Variants in SORCS2 observed in about 807,000 individuals in gnomAD.
The protein encoded by SORCS2 is VPS10 domain-containing receptor SorCS2.
A neutral mutation model predicts 141.6 loss-of-function variants in SORCS2; 100 were observed. That is an observed-to-expected ratio of 0.71 (90% confidence interval 0.60 to 0.83). The LOEUF is 0.83. SORCS2 is among the 40% of genes least tolerant of loss of function. The pLI, the probability that SORCS2 is intolerant of heterozygous loss-of-function variation, is 0.00. For missense variants in SORCS2, 1,646 were observed against 1,560.2 expected (o/e 1.05, Z -0.93); for synonymous variants, 789 against 676.9 (o/e 1.17, Z -2.57).
chr4:7,484,364 C>A (rs16840378), intron 2 of SORCS2, among the ~76,000 whole-genome samples: 12,704 of 152,204 alleles, frequency 0.083, 798 homozygotes, highest in East Asian at 0.25. Context: ...AAGTAACCTG[C>A]GTGGTATCAA....
chr4:7,205,130 A>G (rs1560109852), intron 1 of SORCS2, among the ~76,000 whole-genome samples: 1 of 152,254 alleles, frequency 6.6e-6, no homozygotes, highest in East Asian at 1.9e-4. Context: ...ACCATCAAAT[A>G]GGCCTTCTGG....
At chr4:7,541,236 G>T (rs1712625293) in intron 3 of SORCS2, among the ~76,000 whole-genome samples, 1 of 152,016 alleles carries the variant, frequency 6.6e-6, no homozygotes, top group Non-Finnish European at 1.5e-5. Context: ...TGGTGTAGGG[G>T]TGTGGGCGCC....
intron 2 of SORCS2, among the ~76,000 whole-genome samples, chr4:7,487,520 A>G (rs928276024): frequency 1.3e-5 from 2 of 152,190 alleles, no homozygotes; most frequent in Non-Finnish European, 2.9e-5. Context: ...AAAATATGAC[A>G]TGGAGCTCTT....
intron 3 of SORCS2, among the ~76,000 whole-genome samples, chr4:7,543,994 A>ATCCATCCAT (rs1395347993): frequency 6.4e-5 from 9 of 139,576 alleles, no homozygotes; most frequent in South Asian, 2.4e-4. Flanking sequence ...CCATCCATCC[A>ATCCATCCAT]CTCATCCATC....
At chr4:7,712,981 A>T in intron 15 of SORCS2, 128 bp downstream of exon 15, 1 of 1,369,688 alleles carries the variant, frequency 7.3e-7, no homozygotes, top group Non-Finnish European at 9.8e-7. Context: ...GTCTTCAGGG[A>T]ATCCCCAGCG....
chr4:7,339,761 C>A (rs926713708), intron 1 of SORCS2, among the ~76,000 whole-genome samples: 1 of 152,154 alleles, frequency 6.6e-6, no homozygotes, highest in Non-Finnish European at 1.5e-5. Flanking sequence ...CACAGTTCAA[C>A]CCATAAGAGG....
intron 5 of SORCS2, among the ~76,000 whole-genome samples, chr4:7,659,865 A>G (rs145748293): frequency 5.9e-5 from 9 of 152,318 alleles, no homozygotes; most frequent in East Asian, 3.9e-4. Flanking sequence ...TTGGTACGCA[A>G]TGCTGTGCAT....
chr4:7,427,924 C>G (rs1404882037), intron 2 of SORCS2, among the ~76,000 whole-genome samples: 1 of 152,042 alleles, frequency 6.6e-6, no homozygotes, highest in Admixed American at 6.6e-5. Flanking sequence ...GGCAGGCATC[C>G]GAACCATATC....
chr4:7,576,280 CA>C (rs1715746471), intron 3 of SORCS2, among the ~76,000 whole-genome samples: 2 of 152,168 alleles, frequency 1.3e-5, no homozygotes, highest in Non-Finnish European at 2.9e-5. Flanking sequence ...TGTGTAAAGT[CA>C]AAAGTCAGTA....
At chr4:7,713,129 C>A (rs1725940104) in intron 15 of SORCS2, among the ~76,000 whole-genome samples, 2 of 152,018 alleles carry the variant, frequency 1.3e-5, no homozygotes, top group Non-Finnish European at 2.9e-5. Context: ...CCATGGAGTC[C>A]AGTATGCTTG....
chr4:7,424,344 AAGCTCTGTCTCC>A (rs1200942664), intron 2 of SORCS2, among the ~76,000 whole-genome samples: 1 of 152,196 alleles, frequency 6.6e-6, no homozygotes, highest in Admixed American at 6.5e-5. Context: ...AAGGACTGGC[AAGCTCTGTCTCC>A]AGCCTGGGCT....
intron 2 of SORCS2, among the ~76,000 whole-genome samples, chr4:7,459,841 G>A (rs1729178585): frequency 6.6e-6 from 1 of 152,214 alleles, no homozygotes; most frequent in South Asian, 2.1e-4. Context: ...GCATTAGCCA[G>A]GGCCATCCAC....
At chr4:7,215,541 C>G (rs984557956) in intron 1 of SORCS2, among the ~76,000 whole-genome samples, 3 of 152,270 alleles carry the variant, frequency 2.0e-5, no homozygotes, top group African/African-American at 7.2e-5. Flanking sequence ...TGGCAGGCAG[C>G]TCCACCTGCA....
At chr4:7,725,559 G>A (rs1264671562) in intron 20 of SORCS2, among the ~76,000 whole-genome samples, 1 of 152,190 alleles carries the variant, frequency 6.6e-6, no homozygotes, top group Non-Finnish European at 1.5e-5. Context: ...CTGAGTTGGG[G>A]GTGGTAGAAG....
At chr4:7,331,042 C>T (rs1008059608) in intron 1 of SORCS2, among the ~76,000 whole-genome samples, 1 of 151,774 alleles carries the variant, frequency 6.6e-6, no homozygotes, top group Non-Finnish European at 1.5e-5. Context: ...GAAGGAATGG[C>T]AGAAGCAGAG....
At chr4:7,506,898 TAA>T (rs1732307681) in intron 2 of SORCS2, among the ~76,000 whole-genome samples, 1 of 152,070 alleles carries the variant, frequency 6.6e-6, no homozygotes, top group African/African-American at 2.4e-5. Flanking sequence ...TGCCATAAAT[TAA>T]AATGATACCA....
At chr4:7,486,868 T>C (rs1731021620) in intron 2 of SORCS2, among the ~76,000 whole-genome samples, 1 of 152,214 alleles carries the variant, frequency 6.6e-6, no homozygotes, top group African/African-American at 2.4e-5. Context: ...TGATATAATC[T>C]CATCATTAAG....
intron 25 of SORCS2, among the ~76,000 whole-genome samples, chr4:7,736,510 G>T (rs1712187367): frequency 6.6e-6 from 1 of 152,210 alleles, no homozygotes. Flanking sequence ...GACTAAGTGG[G>T]GTGTCGTGCA....
At position 7,233,561 on chromosome 4, in the gene SORCS2, C is replaced by T. The variant is rs543349472; in HGVS notation, c.480+40435C>T. On this transcript the variant is annotated intron_variant, in intron 1 of 26. Transcript: ENST00000507866. This position sits in a 1 kb window ranked among gnomAD's most constrained non-coding sequence, Gnocchi z 4.5. ...ACTGGCAGCTGTGGTGGTGGGTGGA[C>T]GGGGTGGGTGCTGGGACGAGGACTC... is the stretch of plus-strand genomic sequence containing the variant. Among the ~76,000 whole-genome samples the T allele has an allele frequency of 1.3e-5, 2 of 152,160 alleles. No individual in the cohort carries two copies. The highest frequency in any genetic ancestry group is 2.1e-4 in the South Asian group (1 of 4,796).
Sources: gnomAD v4.1 joint callset for allele counts (sites outside exome capture counted in the v4.1 genomes callset) on GRCh38, gnomAD v4.1.1 for gene constraint, Gnocchi (gnomAD v3.1) non-coding constraint, MANE v1.5 for transcripts, NCBI Gene and HGNC (gene_info 2026-07-23, HGNC 2026-07-21) for gene names.